The following SLC26A5 variants were observed in gnomAD, a reference collection of about 807,000 sequenced individuals.
SLC26A5 encodes the protein prestin.
SLC26A5 carries 51 observed loss-of-function variants against 81.0 expected under a neutral mutation model. The observed-to-expected ratio is 0.63, with a 90% CI of 0.50 to 0.80. The LOEUF (loss-of-function observed/expected upper bound fraction) is 0.80. SLC26A5 is among the 30% of genes least tolerant of loss of function. SLC26A5 has a pLI of 0.00. For missense variants in SLC26A5, 771 were observed against 905.8 expected (o/e 0.85, Z 1.91); for synonymous variants, 325 against 332.8 (o/e 0.98, Z 0.25).
At chr7:103,431,777 A>C (rs1826099789) in intron 2 of SLC26A5, among the ~76,000 whole-genome samples, 1 of 152,206 alleles carries the variant, frequency 6.6e-6, no homozygotes, top group Non-Finnish European at 1.5e-5. Flanking sequence ...CTTGACATTA[A>C]ATGCTAGTAG....
intron 2 of SLC26A5, among the ~76,000 whole-genome samples, chr7:103,431,097 A>C (rs1402118809): frequency 6.6e-6 from 1 of 152,240 alleles, no homozygotes; most frequent in Non-Finnish European, 1.5e-5. Flanking sequence ...TCAGTAATTC[A>C]AAGTGGTGCT....
intron 14 of SLC26A5, among the ~76,000 whole-genome samples, chr7:103,386,644 A>G (rs959183874): frequency 2.0e-5 from 3 of 152,148 alleles, no homozygotes; most frequent in African/African-American, 7.2e-5. Context: ...AATAAAAATA[A>G]ATAAAATTTA....
intron 8 of SLC26A5, among the ~76,000 whole-genome samples, chr7:103,400,884 T>A (rs1823536090): frequency 6.6e-6 from 1 of 152,186 alleles, no homozygotes; most frequent in South Asian, 2.1e-4. Context: ...TGTGTGGTGT[T>A]ATTTCTGAGG....
At chr7:103,395,336 G>A (rs80313977) in intron 9 of SLC26A5, among the ~76,000 whole-genome samples, 3,190 of 134,604 alleles carry the variant, frequency 0.024, 106 homozygotes, top group African/African-American at 0.08. Flanking sequence ...TTCCAGAAAC[G>A]TAAGGTCTTT....
At chr7:103,354,885 T>C (rs140442131) in intron 19 of SLC26A5, 405 of 1,612,908 alleles carry the variant, frequency 2.5e-4, no homozygotes, top group Non-Finnish European at 3.3e-4. Context: ...GCACTTACTC[T>C]AGGCAGATCA....
intron 2 of SLC26A5, among the ~76,000 whole-genome samples, chr7:103,426,565 T>G (rs1324444801): frequency 6.6e-6 from 1 of 152,202 alleles, no homozygotes; most frequent in African/African-American, 2.4e-5. Flanking sequence ...GAGACGATTC[T>G]CAAATATTTT....
At chr7:103,445,510 T>A (rs951006592) in intron 1 of SLC26A5, 2 of 152,392 alleles carry the variant, frequency 1.3e-5, no homozygotes, top group Admixed American at 1.3e-4. Context: ...TTTAGGGCTG[T>A]TAGGCTCTGA....
At chr7:103,357,675 A>C (rs965761235) in intron 19 of SLC26A5, among the ~76,000 whole-genome samples, 1 of 152,194 alleles carries the variant, frequency 6.6e-6, no homozygotes, top group Non-Finnish European at 1.5e-5. Context: ...GATTATGGCT[A>C]TGTAAACACT....
intron 2 of SLC26A5, among the ~76,000 whole-genome samples, chr7:103,424,715 C>T (rs1825596442): frequency 6.6e-6 from 1 of 152,116 alleles, no homozygotes; most frequent in Admixed American, 6.5e-5. Context: ...TTTCCTGTTA[C>T]CCCACAGGAG....
chr7:103,371,127 CGT>C (rs1821007112), downstream of SLC26A5, among the ~76,000 whole-genome samples: 1 of 152,116 alleles, frequency 6.6e-6, no homozygotes, highest in Non-Finnish European at 1.5e-5. Flanking sequence ...AACATTCTGA[CGT>C]ATTTACATAT....
intron 19 of SLC26A5, among the ~76,000 whole-genome samples, chr7:103,376,174 C>G (rs1821341558): frequency 6.6e-6 from 1 of 151,876 alleles, no homozygotes; most frequent in South Asian, 2.1e-4. Flanking sequence ...CTCCCAGATT[C>G]AAGACATCCT....
intron 2 of SLC26A5, among the ~76,000 whole-genome samples, chr7:103,436,572 A>G (rs991195556): frequency 6.6e-6 from 1 of 152,234 alleles, no homozygotes; most frequent in African/African-American, 2.4e-5. Flanking sequence ...GTAGTTAATG[A>G]AAATGACAGA....
chr7:103,390,532 G>A (rs756953895), intron 11 of SLC26A5, 26 bp from the exon 12 acceptor site: 2 of 1,594,476 alleles, frequency 1.3e-6, no homozygotes, highest in Admixed American at 3.3e-5. Context: ...CACATGGAAG[G>A]GGCTTTTAGG....
intron 7 of SLC26A5, among the ~76,000 whole-genome samples, chr7:103,408,220 GTTAT>G (rs1199447724): frequency 7.2e-5 from 11 of 151,912 alleles, no homozygotes; most frequent in South Asian, 2.1e-4. Context: ...TTTTATAGTT[GTTAT>G]TTATTTATTT....
At chr7:103,427,203 A>G (rs1464828450) in intron 2 of SLC26A5, among the ~76,000 whole-genome samples, 1 of 151,702 alleles carries the variant, frequency 6.6e-6, no homozygotes, top group African/African-American at 2.4e-5. Context: ...CCTCCCGAGT[A>G]GCTGGGATTA....
chr7:103,429,519 A>G (rs529168766), intron 2 of SLC26A5, among the ~76,000 whole-genome samples: 1 of 152,366 alleles, frequency 6.6e-6, no homozygotes, highest in East Asian at 1.9e-4. Flanking sequence ...CAGAAAAAAC[A>G]TATTTTCACT....
At chr7:103,438,467 C>T (rs989100547) in intron 2 of SLC26A5, among the ~76,000 whole-genome samples, 5 of 151,832 alleles carry the variant, frequency 3.3e-5, no homozygotes, top group African/African-American at 1.2e-4. Flanking sequence ...ATTCTCCTCC[C>T]TCAGCCTCCC....
chr7:103,365,635 ATAAAAT>A (rs1210894877), intron 19 of SLC26A5, among the ~76,000 whole-genome samples: 1 of 152,082 alleles, frequency 6.6e-6, no homozygotes, highest in East Asian at 1.9e-4. Flanking sequence ...GTCTCAAAAA[ATAAAAT>A]TAAAATAGCT....
chr7:103,360,466 C>A (rs1196626209), intron 19 of SLC26A5, among the ~76,000 whole-genome samples: 4 of 152,036 alleles, frequency 2.6e-5, no homozygotes, highest in Non-Finnish European at 4.4e-5. Flanking sequence ...ACAAAGCATT[C>A]TTTTTTAGCC....
Sources: allele counts gnomAD v4.1 joint callset (sites outside exome capture counted in the v4.1 genomes callset), GRCh38; gene constraint gnomAD v4.1.1; transcripts MANE v1.5; gene names NCBI Gene and HGNC (gene_info 2026-07-23, HGNC 2026-07-21).